SANBR: variants seen among roughly 807,000 people sequenced by gnomAD.
The protein encoded by SANBR is SANT and BTB domain regulator of class switch recombination.
In SANBR, 77 loss-of-function variants were observed where a neutral mutation model predicts 101.8. The observed-to-expected ratio is 0.76, with a 90% CI of 0.63 to 0.91. SANBR has a LOEUF of 0.91. Ranked by LOEUF, SANBR falls within the 40% of genes least tolerant of loss-of-function variation. SANBR has a pLI of 0.00. For missense variants in SANBR, 875 were observed against 853.0 expected, an observed-to-expected ratio of 1.03 and a Z score of -0.32; for synonymous variants, 279 against 274.7, an observed-to-expected ratio of 1.02 and a Z score of -0.15.
intron 20 of SANBR, among the ~76,000 whole-genome samples, chr2:61,120,100 A>G (rs923227716): frequency 6.6e-6 from 1 of 152,228 alleles, no homozygotes; most frequent in Non-Finnish European, 1.5e-5. Flanking sequence ...CCCTCACCAT[A>G]CAGATCAATT....
chr2:61,134,246 T>C lies in SANBR; in HGVS notation c.*14T>C, dbSNP rs184853843. On this transcript the variant is annotated 3_prime_UTR_variant, in exon 21 of 22. Coordinates refer to the SANBR transcript ENST00000295031. ...TTGCTGTGTTAAACGAATTAATACA[T>C]GAAAGGACTTGGAATACTGCTTGAC... 358 of 1,580,706 alleles carry C rather than the reference T, an allele frequency of 2.3e-4. No individual in the cohort carries two copies. The African/African-American group carries it at 4.3e-3, about 19-fold the overall frequency.
chr2:61,121,376 G>T, intron 21 of SANBR, 100 bp downstream of exon 21: 1 of 711,462 alleles, frequency 1.4e-6, no homozygotes, highest in Non-Finnish European at 2.3e-6. Context: ...ATTTGAGTTT[G>T]GTTTTATGTT....
chr2:61,107,757 G>A (rs1683644059), intron 14 of SANBR, among the ~76,000 whole-genome samples: 1 of 152,078 alleles, frequency 6.6e-6, no homozygotes, highest in Non-Finnish European at 1.5e-5. Flanking sequence ...GCAGTGGCAT[G>A]TGCCTGTAAT....
intron 17 of SANBR, 161 bp from the exon 18 acceptor site, chr2:61,117,196 G>A (rs2104962402): frequency 3.0e-6 from 2 of 657,404 alleles, no homozygotes; most frequent in East Asian, 5.2e-5. Context: ...AATAGTGCCT[G>A]TCTCATTTGG....
At position 61,122,317 on chromosome 2, in the gene SANBR, T is replaced by G. The variant is rs1408509348; in HGVS notation, c.*155T>G. On this transcript the variant is annotated 3_prime_UTR_variant, in exon 22 of 22. Transcript: ENST00000402291. ...TCATAATTCTAAAAGAAATGCATAG[T>G]TAGGTTTTATGAAAATCTAATTGTA... The G allele has an allele frequency of 6.5e-6, 8 of 1,233,970 alleles. No individual in the cohort carries two copies. The highest frequency in any genetic ancestry group is 8.4e-6 in the Non-Finnish European group (8 of 952,488). The allele number at this position is 1,233,970 out of a possible 1,614,324, so 76.4% of individuals were successfully genotyped here. A position where few individuals can be genotyped will look rare whatever the true frequency, so the allele number is the denominator to read the frequency against.
chr2:61,075,849 T>C (rs1307988172), intron 5 of SANBR, among the ~76,000 whole-genome samples: 1 of 151,998 alleles, frequency 6.6e-6, no homozygotes, highest in Non-Finnish European at 1.5e-5. Flanking sequence ...TTTAAAAAAA[T>C]CTGAAAATTT....
At position 61,083,163 on chromosome 2, in the gene SANBR, T is replaced by A; in HGVS notation, c.739T>A (p.Cys247Ser). The change falls in exon 8 of 22, where the codon TGT becomes AGT. Residue 247 changes from cysteine to serine, a missense_variant. Coordinates refer to ENST00000402291, the MANE Select transcript of SANBR (RefSeq NM_001129993.3). ...FLKMDSLVEQ[C>S]IQYCHKNMNA... is the part of the protein sequence containing the mutation. The stretch of plus-strand genomic sequence containing the variant: ...TTCTATGATTTTTTAGGTTGAACAG[T>A]GTATTCAGTATTGCCACAAAAATAT... 1 of 1,609,796 alleles carries A rather than the reference T, an allele frequency of 6.2e-7. No individual in the cohort carries two copies. Among genetic ancestry groups the A allele is most frequent in the Admixed American group, 1.7e-5 (1 of 59,700 alleles).
At chr2:61,125,644 T>G (rs1684492397), downstream of SANBR, among the ~76,000 whole-genome samples, 1 of 152,200 alleles carries the variant, frequency 6.6e-6, no homozygotes, top group Admixed American at 6.5e-5. Context: ...ATATAGCCAG[T>G]TTGCTTCTTA....
In SANBR at chr2:61,106,627, A is replaced by G; in HGVS notation, c.1576A>G (p.Thr526Ala). The stretch of plus-strand genomic sequence containing the variant: ...ATGTGATGTTTTACTGGAGCCAAAT[A>G]CACCATGGGGTCCCAAAACTGGGGA... ...IECDVLLEPNTPWGPKTGELN... is the reference protein window; with the variant it reads ...IECDVLLEPNAPWGPKTGELN... The change falls in exon 14 of 22, where the codon ACA becomes GCA. Residue 526 changes from threonine (T) to alanine (A), a missense_variant. By Grantham distance (58) the Thr-to-Ala change is moderately conservative. Coordinates refer to ENST00000402291, the MANE Select transcript of SANBR (RefSeq NM_001129993.3). 6.2e-7 allele frequency: 1 copy of G among 1,600,168 alleles called. No homozygotes were observed. Among genetic ancestry groups the G allele is most frequent in the East Asian group, 2.3e-5 (1 of 44,198 alleles).
At chr2:61,136,123 G>A (rs1177762166) in intron 21 of SANBR, among the ~76,000 whole-genome samples, 2 of 151,972 alleles carry the variant, frequency 1.3e-5, no homozygotes, top group African/African-American at 4.8e-5. Flanking sequence ...TGGCCAACAT[G>A]GTGAAACCTG....
At chr2:61,067,745 A>G (rs146911880) in intron 1 of SANBR, among the ~76,000 whole-genome samples, 61 of 152,212 alleles carry the variant, frequency 4.0e-4, no homozygotes, top group African/African-American at 1.4e-3. Context: ...TCTTAACAAC[A>G]ACAACAACAA....
At chr2:61,072,969 C>T (rs1426089434) in intron 4 of SANBR, among the ~76,000 whole-genome samples, 3 of 151,464 alleles carry the variant, frequency 2.0e-5, no homozygotes, top group African/African-American at 2.4e-5. Flanking sequence ...TGGAACTACA[C>T]GTACATGCTA....
chr2:61,078,179 C>A (rs1681892729), intron 6 of SANBR, among the ~76,000 whole-genome samples: 1 of 152,164 alleles, frequency 6.6e-6, no homozygotes, highest in South Asian at 2.1e-4. Flanking sequence ...TTCAAAAAGT[C>A]ATGCGTGAGT....
At chr2:61,109,417 A>T (rs958331706) in intron 16 of SANBR, 121 bp downstream of exon 16, 1 of 486,266 alleles carries the variant, frequency 2.1e-6, no homozygotes, top group Non-Finnish European at 3.7e-6. Flanking sequence ...CATAGAAAAA[A>T]AATTGAAAGG....
chr2:61,134,097 C>T (rs1481145177), intron 20 of SANBR: 1 of 1,604,846 alleles, frequency 6.2e-7, no homozygotes. Flanking sequence ...TGTGTATATC[C>T]ATCATGCATA....
chr2:61,077,110 A>C lies in SANBR; in HGVS notation c.622A>C (p.Ile208Leu), dbSNP rs200082543. ...CATTTTCAACTGGTTGATAAAATAC[A>C]TTAAAAGGAACACTAAGGAGAATAA... is the stretch of plus-strand genomic sequence containing the variant. ...VHIFNWLIKY[I>L]KRNTKENKDC... is the part of the protein sequence containing the mutation. Residue 208 changes from isoleucine to leucine, a missense_variant, in exon 6 of 22, where the codon ATT becomes CTT. Coordinates refer to ENST00000402291, the MANE Select transcript of SANBR (RefSeq NM_001129993.3). 25 of 1,613,834 alleles carry C rather than the reference A, an allele frequency of 1.5e-5. No individual in the cohort carries two copies. The Admixed American group carries it at 4.2e-4, about 27-fold the overall frequency.
At chr2:61,117,992 T>A (rs1278389044) in intron 19 of SANBR, 36 bp from the exon 20 acceptor site, 2 of 1,494,394 alleles carry the variant, frequency 1.3e-6, no homozygotes, top group Non-Finnish European at 1.9e-6. Context: ...ATATCATCCT[T>A]ATGAAAAGTA....
At chr2:61,098,628 G>A (rs1437667820) in intron 12 of SANBR, among the ~76,000 whole-genome samples, 1 of 152,120 alleles carries the variant, frequency 6.6e-6, no homozygotes, top group East Asian at 1.9e-4. Flanking sequence ...GAATATCCTT[G>A]CACATATATA....
chr2:61,111,374 C>T (rs1327688811), intron 16 of SANBR, among the ~76,000 whole-genome samples: 1 of 152,286 alleles, frequency 6.6e-6, no homozygotes, highest in Non-Finnish European at 1.5e-5. Context: ...GCCTGTGCGA[C>T]AGAGCGAGAC....
Sources: gnomAD v4.1 joint callset for allele counts (sites outside exome capture counted in the v4.1 genomes callset) on GRCh38, gnomAD v4.1.1 for gene constraint, MANE v1.5 for transcripts, NCBI Gene and HGNC (gene_info 2026-07-23, HGNC 2026-07-21) for gene names.